Variants in GALNTL6 observed in about 807,000 individuals in gnomAD.
GALNTL6 encodes the protein polypeptide N-acetylgalactosaminyltransferase like 6.
In GALNTL6, 46 loss-of-function variants were observed where a neutral mutation model predicts 73.7. That is an observed-to-expected ratio of 0.62 (90% CI 0.49 to 0.80). GALNTL6 has a LOEUF of 0.80. Among genes scored for constraint, GALNTL6 ranks in the 30% least tolerant of loss-of-function variants. The pLI, the probability that GALNTL6 is intolerant of heterozygous loss-of-function variation, is 0.00. For missense variants in GALNTL6, 604 were observed against 755.0 expected, an observed-to-expected ratio of 0.80 and a Z score of 2.34; for synonymous variants, 259 against 263.7, an observed-to-expected ratio of 0.98 and a Z score of 0.17.
At chr4:172,389,629 G>C (rs150057400) in intron 5 of GALNTL6, among the ~76,000 whole-genome samples, 2,268 of 152,162 alleles carry the variant, frequency 0.015, 22 homozygotes, top group Middle Eastern at 0.065. Flanking sequence ...GAAGAAGGTA[G>C]GAGGTAAATA....
intron 2 of GALNTL6, among the ~76,000 whole-genome samples, chr4:171,893,810 C>T (rs1486924746): frequency 6.6e-6 from 1 of 152,158 alleles, no homozygotes; most frequent in African/African-American, 2.4e-5. Context: ...TTTCTACAGA[C>T]TGCTAAACTG....
chr4:172,116,056 T>C (rs1313546301), intron 2 of GALNTL6, among the ~76,000 whole-genome samples: 1 of 152,058 alleles, frequency 6.6e-6, no homozygotes, highest in Non-Finnish European at 1.5e-5. Flanking sequence ...TTTTTAAAAA[T>C]GAGTTGATGT....
intron 2 of GALNTL6, among the ~76,000 whole-genome samples, chr4:171,935,062 T>G (rs1353549613): frequency 6.6e-6 from 1 of 152,164 alleles, no homozygotes; most frequent in African/African-American, 2.4e-5. Context: ...GGAGAGAAAC[T>G]GTATCACTTT....
At chr4:172,236,477 A>G (rs1023280643) in intron 3 of GALNTL6, among the ~76,000 whole-genome samples, 2 of 151,638 alleles carry the variant, frequency 1.3e-5, no homozygotes, top group African/African-American at 4.8e-5. Context: ...GGAGAATGGC[A>G]TGAACCCGGG....
In GALNTL6 at chr4:172,207,395, G is replaced by A. The variant is rs1736171598; in HGVS notation, c.139-22261G>A. 2.0e-5 allele frequency among the ~76,000 whole-genome samples: 3 copies of A among 152,248 alleles called. No individual in the cohort carries two copies. The South Asian group carries it at 6.2e-4, about 32-fold the overall frequency. On this transcript the variant is annotated intron_variant, in intron 2 of 12. Transcript: ENST00000506823. ...AATTGCCAGGAGAGAGACAGTAAAG[G>A]AGCAAGAGGGATGGTGGTGCTCTTT...
intron 5 of GALNTL6, among the ~76,000 whole-genome samples, chr4:172,373,988 G>A (rs528482420): frequency 1.3e-3 from 203 of 152,284 alleles, no homozygotes; most frequent in African/African-American, 4.6e-3. Context: ...ATGAGCTGGC[G>A]CTTGCCCTGG....
At chr4:172,664,017 A>G in intron 5 of GALNTL6, among the ~76,000 whole-genome samples, 1 of 152,196 alleles carries the variant, frequency 6.6e-6, no homozygotes, top group East Asian at 1.9e-4. Context: ...TGCAGAATAA[A>G]TACATAATAA....
At chr4:172,418,677 G>A (rs1207310769) in intron 5 of GALNTL6, among the ~76,000 whole-genome samples, 1 of 152,086 alleles carries the variant, frequency 6.6e-6, no homozygotes, top group African/African-American at 2.4e-5. Flanking sequence ...GTGTCATTGT[G>A]GCAATAGCCA....
intron 10 of GALNTL6, among the ~76,000 whole-genome samples, chr4:172,952,543 T>C (rs546379875): frequency 6.6e-6 from 1 of 150,938 alleles, no homozygotes; most frequent in South Asian, 2.1e-4. Flanking sequence ...TGAGATGGAG[T>C]CTCGCTCTGT....
rs577036659 is a variant in GALNTL6, at chr4:172,614,955, C to T, written c.554-194406C>T. ...TAAAAAAAATGTATTCCAGAAGAAA[C>T]GTGTGCTTCCCAAATTGCAAATGAG... On this transcript the variant is annotated intron_variant, in intron 5 of 12. Coordinates refer to ENST00000506823, the MANE Select transcript of GALNTL6 (RefSeq NM_001034845.3). 1.7e-3 allele frequency among the ~76,000 whole-genome samples: 257 copies of T among 152,220 alleles called. 2 individuals are homozygous for T. Among genetic ancestry groups the T allele is most frequent in the African/African-American group, 5.8e-3 (242 of 41,566 alleles).
intron 2 of GALNTL6, among the ~76,000 whole-genome samples, chr4:171,893,926 C>A (rs1165723225): frequency 6.6e-6 from 1 of 152,068 alleles, no homozygotes; most frequent in Non-Finnish European, 1.5e-5. Flanking sequence ...TCAAAATACC[C>A]AAAGATCTTC....
intron 3 of GALNTL6, among the ~76,000 whole-genome samples, chr4:172,248,267 T>G (rs1184251337): frequency 6.6e-6 from 1 of 152,172 alleles, no homozygotes; most frequent in African/African-American, 2.4e-5. Context: ...TTTCAATACT[T>G]TAGGAATTGA....
intron 3 of GALNTL6, among the ~76,000 whole-genome samples, chr4:172,246,258 T>C (rs1579295840): frequency 1.3e-5 from 2 of 152,164 alleles, no homozygotes; most frequent in East Asian, 3.9e-4. Context: ...GATCCAATTT[T>C]ATTATTGGAC....
At chr4:172,552,931 C>T (rs1340768303) in intron 5 of GALNTL6, among the ~76,000 whole-genome samples, 1 of 148,786 alleles carries the variant, frequency 6.7e-6, no homozygotes, top group Non-Finnish European at 1.5e-5. Flanking sequence ...TACCTTTTCT[C>T]TCAAGTTGTC....
chr4:172,824,179 G>A (rs1309768825), intron 7 of GALNTL6, among the ~76,000 whole-genome samples: 4 of 152,132 alleles, frequency 2.6e-5, no homozygotes, highest in South Asian at 2.1e-4. Context: ...GTGGTGTGCC[G>A]TTGAAGCCTG....
intron 2 of GALNTL6, among the ~76,000 whole-genome samples, chr4:172,177,656 A>G (rs574514297): frequency 1.3e-5 from 2 of 151,358 alleles, no homozygotes; most frequent in Non-Finnish European, 3.0e-5. Context: ...ATTCTCAACC[A>G]TACATAAATA....
chr4:172,040,913 C>A (rs975369269), intron 2 of GALNTL6, among the ~76,000 whole-genome samples: 12 of 151,984 alleles, frequency 7.9e-5, no homozygotes, highest in Non-Finnish European at 1.3e-4. Flanking sequence ...AATTATAATA[C>A]CTACAATATC....
chr4:172,335,706 C>A (rs748025415), intron 4 of GALNTL6, among the ~76,000 whole-genome samples: 2 of 152,108 alleles, frequency 1.3e-5, no homozygotes, highest in Non-Finnish European at 2.9e-5. Context: ...TTATCCATTT[C>A]CTCTAGGTTT....
At chr4:172,225,940 T>C (rs1736850249) in intron 2 of GALNTL6, among the ~76,000 whole-genome samples, 1 of 152,196 alleles carries the variant, frequency 6.6e-6, no homozygotes, top group Admixed American at 6.5e-5. Context: ...TGATTTAGCC[T>C]GATTCCACTA....
Sources: gnomAD v4.1 joint callset for allele counts (sites outside exome capture counted in the v4.1 genomes callset) on GRCh38, gnomAD v4.1.1 for gene constraint, MANE v1.5 for transcripts, NCBI Gene and HGNC (gene_info 2026-07-23, HGNC 2026-07-21) for gene names.